The following DCC variants were observed in gnomAD, a reference collection of about 807,000 sequenced individuals.
DCC encodes netrin receptor DCC.
DCC carries 58 observed loss-of-function variants against 172.5 expected under a neutral mutation model. The ratio of observed to expected loss-of-function variants is 0.34; its 90% confidence interval spans 0.27 to 0.42. The LOEUF is 0.42. Ranked by LOEUF, DCC falls within the 10% of genes least tolerant of loss-of-function variation. DCC has a pLI of 1.00. For missense variants in DCC, 1,740 were observed against 1,791.0 expected, an observed-to-expected ratio of 0.97 and a Z score of 0.51; for synonymous variants, 709 against 644.5, an observed-to-expected ratio of 1.10 and a Z score of -1.52.
chr18:52,767,053 C>T (rs904292071), intron 2 of DCC, among the ~76,000 whole-genome samples: 2 of 151,576 alleles, frequency 1.3e-5, no homozygotes, highest in African/African-American at 4.8e-5. Context: ...CTTTGCTGCT[C>T]TATGAGTATT....
chr18:53,446,098 CAA>C (rs1246126122), intron 22 of DCC, among the ~76,000 whole-genome samples: 333 of 32,298 alleles, frequency 0.01, 12 homozygotes, highest in African/African-American at 0.019. Flanking sequence ...CCTGTCTCTA[CAA>C]AAAAAAAAAA....
intron 3 of DCC, among the ~76,000 whole-genome samples, chr18:52,910,532 TGA>T (rs1272962228): frequency 5.3e-5 from 8 of 152,128 alleles, no homozygotes; most frequent in African/African-American, 1.4e-4. Context: ...CACTAAGAGT[TGA>T]GATGTTTTAC....
intron 1 of DCC, among the ~76,000 whole-genome samples, chr18:52,612,264 G>T (rs773022361): frequency 6.6e-6 from 1 of 152,006 alleles, no homozygotes; most frequent in Admixed American, 6.6e-5. Context: ...ATCCAGAAAC[G>T]TGGGGTTCTT....
intron 2 of DCC, among the ~76,000 whole-genome samples, chr18:52,811,731 A>G (rs1195041222): frequency 6.6e-6 from 1 of 152,170 alleles, no homozygotes; most frequent in Non-Finnish European, 1.5e-5. Context: ...ATTTTTATCG[A>G]AGATCTGAAT....
intron 1 of DCC, among the ~76,000 whole-genome samples, chr18:52,442,801 A>G (rs1410834474): frequency 2.0e-5 from 3 of 152,180 alleles, no homozygotes; most frequent in Admixed American, 6.5e-5. Context: ...TGCTTTCCCT[A>G]CTGTGCAGAG....
At chr18:53,043,013 C>T (rs990579023) in intron 5 of DCC, among the ~76,000 whole-genome samples, 1 of 151,890 alleles carries the variant, frequency 6.6e-6, no homozygotes, top group African/African-American at 2.4e-5. Context: ...AAGACATATG[C>T]ACACGTATGT....
chr18:53,310,654 G>A (rs1403973989), intron 13 of DCC, among the ~76,000 whole-genome samples: 1 of 151,998 alleles, frequency 6.6e-6, no homozygotes, highest in African/African-American at 2.4e-5. Context: ...TTGAATTTAA[G>A]AGTTTTCTTG....
At chr18:52,661,016 G>A (rs956293) in intron 1 of DCC, among the ~76,000 whole-genome samples, 3,341 of 152,246 alleles carry the variant, frequency 0.022, 66 homozygotes, top group East Asian at 0.091. Context: ...AGGAAATATG[G>A]ATAGGTTAAC....
chr18:53,157,207 CTG>C (rs1445783991), intron 7 of DCC, 147 bp from the exon 8 acceptor site: 4 of 905,824 alleles, frequency 4.4e-6, no homozygotes, highest in Non-Finnish European at 7.3e-6. Context: ...ATTCCATTTA[CTG>C]TGTGCATTCC....
At chr18:53,282,806 G>A (rs1279816178) in intron 12 of DCC, among the ~76,000 whole-genome samples, 1 of 152,134 alleles carries the variant, frequency 6.6e-6, no homozygotes, top group African/African-American at 2.4e-5. Flanking sequence ...TTGAATATGT[G>A]CAGGGAGTGA....
Position 52,767,720 on chromosome 18 carries a change from G to A in DCC, c.412+15346G>A, listed in dbSNP as rs140936188. Among the ~76,000 whole-genome samples, 470 of 152,120 alleles carry A rather than the reference G, an allele frequency of 3.1e-3. 2 individuals are homozygous for A. The highest frequency in any genetic ancestry group is 0.011 in the African/African-American group (449 of 41,498). ...TTGTGTAAATACCTGTAGTACAAACGTTTCACTTTAAAAAAGGGCTTTTTA... is the reference window on the plus strand; with the variant it reads ...TTGTGTAAATACCTGTAGTACAAACATTTCACTTTAAAAAAGGGCTTTTTA... On this transcript the variant is annotated intron_variant, in intron 2 of 28. Transcript: ENST00000442544.
chr18:52,347,285 A>G (rs1684067987), intron 1 of DCC, among the ~76,000 whole-genome samples: 1 of 152,152 alleles, frequency 6.6e-6, no homozygotes, highest in African/African-American at 2.4e-5. Flanking sequence ...ACATTTTTAG[A>G]TTTTACTTAT....
At chr18:53,481,395 A>T (rs901569800) in intron 25 of DCC, among the ~76,000 whole-genome samples, 16 of 152,174 alleles carry the variant, frequency 1.1e-4, no homozygotes, top group African/African-American at 3.9e-4. Context: ...ATATTTATGA[A>T]TCTTAGGGCT....
rs200213348 is a variant in DCC at position 53,099,939 on chromosome 18, C to CTTTTTTTTTTTTTTTTTTTTT, written c.1261+33776_1261+33777insTTTTTTTTTTTTTTTTTTTTT. On this transcript the variant is annotated intron_variant, in intron 7 of 28. Transcript: ENST00000442544. Reference sequence around the variant, plus strand: ...AAGAGACTTTTCTTTTCTTTTCTTTCTTTCTTTTTTTTTTTTTTTTTGTTT... The same window carrying CTTTTTTTTTTTTTTTTTTTTT: ...AAGAGACTTTTCTTTTCTTTTCTTTCTTTTTTTTTTTTTTTTTTTTTTTTCTTTTTTTTTTTTTTTTTGTTT... Among the ~76,000 whole-genome samples the CTTTTTTTTTTTTTTTTTTTTT allele has an allele frequency of 2.6e-4, 23 of 87,186 alleles. 4 individuals are homozygous for CTTTTTTTTTTTTTTTTTTTTT. Among genetic ancestry groups the CTTTTTTTTTTTTTTTTTTTTT allele is most frequent in the African/African-American group, 7.4e-4 (14 of 18,850 alleles). 57.2% of individuals were successfully genotyped at this position (87,186 alleles called of 152,430 possible).
At chr18:53,160,202 C>T (rs1195957172) in intron 8 of DCC, among the ~76,000 whole-genome samples, 2 of 152,162 alleles carry the variant, frequency 1.3e-5, no homozygotes, top group Admixed American at 6.5e-5. Flanking sequence ...CCCTTGGCTA[C>T]TTGCTGCCAT....
intron 2 of DCC, among the ~76,000 whole-genome samples, chr18:52,815,753 T>A (rs1189375708): frequency 3.3e-5 from 5 of 152,168 alleles, no homozygotes; most frequent in Non-Finnish European, 7.4e-5. Context: ...TCATAAGTAA[T>A]AATGATTTAT....
intron 7 of DCC, among the ~76,000 whole-genome samples, chr18:53,072,444 C>T (rs1346897256): frequency 1.3e-5 from 2 of 152,050 alleles, no homozygotes; most frequent in East Asian, 3.9e-4. Context: ...TATCCTGGTT[C>T]TAGATGTTGC....
chr18:53,390,933 C>T (rs2145007343), intron 16 of DCC, among the ~76,000 whole-genome samples: 1 of 152,288 alleles, frequency 6.6e-6, no homozygotes, highest in South Asian at 2.1e-4. Context: ...TAAAATCACA[C>T]TTCTACATTT....
At chr18:52,916,803 T>A (rs950473114) in intron 3 of DCC, among the ~76,000 whole-genome samples, 2 of 152,108 alleles carry the variant, frequency 1.3e-5, no homozygotes, top group Admixed American at 1.3e-4. Flanking sequence ...GAGATCAGAT[T>A]GTTTCTATGT....
Sources: allele counts gnomAD v4.1 joint callset (sites outside exome capture counted in the v4.1 genomes callset), GRCh38; gene constraint gnomAD v4.1.1; transcripts MANE v1.5; gene names NCBI Gene and HGNC (gene_info 2026-07-23, HGNC 2026-07-21).